The following NCAM1 variants were observed in gnomAD, a reference collection of about 807,000 sequenced individuals.
NCAM1 encodes neural cell adhesion molecule 1, also known as antigen recognized by monoclonal antibody 5.1H11.
In NCAM1, 14 loss-of-function variants were observed where a neutral mutation model predicts 109.8. The observed-to-expected ratio is 0.13, with a 90% CI of 0.08 to 0.20. The LOEUF (loss-of-function observed/expected upper bound fraction) is 0.20, where lower values mean the gene tolerates loss of function less well. NCAM1 is among the 10% of genes least tolerant of loss of function. The pLI, the probability that NCAM1 is intolerant of heterozygous loss-of-function variation, is 1.00. For missense variants in NCAM1, 774 were observed against 1,109.9 expected (o/e 0.70, Z 4.30); for synonymous variants, 418 against 442.9 (o/e 0.94, Z 0.70).
At position 113,278,144 on chromosome 11, in the gene NCAM1, C is replaced by T. The variant is rs1555127068; in HGVS notation, c.*2757C>T. The stretch of plus-strand genomic sequence containing the variant: ...CAGGGCTGTGGTGTATATAGTGCAG[C>T]TTTGGAGGTGGAACTCTATTTTCAC... On this transcript the variant is annotated 3_prime_UTR_variant, in exon 20 of 20. Transcript: ENST00000316851. 1 of 152,128 alleles carries T rather than the reference C, an allele frequency of 6.6e-6. No homozygotes were observed. Among genetic ancestry groups the T allele is most frequent in the Non-Finnish European group, 1.5e-5 (1 of 68,034 alleles). The allele number at this position is 152,128 out of a possible 1,614,324, so 9.4% of individuals were successfully genotyped here.
intron 1 of NCAM1, among the ~76,000 whole-genome samples, chr11:113,101,728 G>C (rs1005939397): frequency 6.6e-6 from 1 of 152,162 alleles, no homozygotes; most frequent in Admixed American, 6.5e-5. Context: ...GTGTTTACAT[G>C]GTGCTAGACT....
rs188541077 is a variant in NCAM1 at position 113,058,241 on chromosome 11, A to G, written c.52+96577A>G. ...GGAGGTTGCAGTGAGCCGAGATCTC[A>G]CCATTGCACTCCAGCCCTGGCAACA... On this transcript the variant is annotated intron_variant, in intron 1 of 19. Transcript: ENST00000316851. Among the ~76,000 whole-genome samples the G allele has an allele frequency of 4.3e-3, 652 of 152,174 alleles. 4 individuals carry two copies. Among genetic ancestry groups the G allele is most frequent in the African/African-American group, 0.015 (624 of 41,510 alleles).
rs55698443 is a variant in NCAM1 at position 113,237,905 on chromosome 11, G to GAT, written c.1825+2749_1825+2750dup. 9.0e-3 allele frequency among the ~76,000 whole-genome samples: 1,245 copies of GAT among 138,994 alleles called. 17 individuals are homozygous for GAT. The highest frequency in any genetic ancestry group is 0.029 in the African/African-American group (1,061 of 36,014). 91.2% of individuals were successfully genotyped at this position (138,994 alleles called of 152,430 possible). On this transcript the variant is annotated intron_variant, in intron 14 of 19. Coordinates refer to ENST00000316851, the MANE Select transcript of NCAM1 (RefSeq NM_181351.5). ...ATAGATATATAGATATAGATATATAGATATATATAGATATATAGATATAGA... is the reference window on the plus strand; with the variant it reads ...ATAGATATATAGATATAGATATATAGATATATATATAGATATATAGATATAGA...
At chr11:113,023,064 A>G (rs1019485489) in intron 1 of NCAM1, among the ~76,000 whole-genome samples, 1 of 152,216 alleles carries the variant, frequency 6.6e-6, no homozygotes, top group African/African-American at 2.4e-5. Context: ...AGTTCTTACT[A>G]CTATGTAATA....
At chr11:113,045,034 G>A (rs1335947467) in intron 1 of NCAM1, among the ~76,000 whole-genome samples, 2 of 152,192 alleles carry the variant, frequency 1.3e-5, no homozygotes, top group East Asian at 1.9e-4. Flanking sequence ...GATTACAGGC[G>A]TGAGCCACTG....
intron 10 of NCAM1, 126 bp downstream of exon 10, chr11:113,231,921 C>T (rs1555117329): frequency 6.1e-6 from 8 of 1,312,760 alleles, no homozygotes; most frequent in South Asian, 5.3e-5. Context: ...TGCAGCTGAC[C>T]CTGGGCTATT....
chr11:113,086,521 G>C (rs1939098115), intron 1 of NCAM1, among the ~76,000 whole-genome samples: 1 of 152,312 alleles, frequency 6.6e-6, no homozygotes, highest in South Asian at 2.1e-4. Context: ...GGACTCTACA[G>C]TTCAGATGCT....
intron 1 of NCAM1, among the ~76,000 whole-genome samples, chr11:113,196,106 G>A (rs1235173714): frequency 6.6e-6 from 1 of 152,122 alleles, no homozygotes; most frequent in East Asian, 1.9e-4. Flanking sequence ...AGATTCATCT[G>A]AGAACTCACT....
intron 1 of NCAM1, among the ~76,000 whole-genome samples, chr11:113,036,659 T>C (rs1555079223): frequency 6.6e-6 from 1 of 152,184 alleles, no homozygotes; most frequent in Non-Finnish European, 1.5e-5. Flanking sequence ...CACCTTTTCC[T>C]TCTGGAACCC....
chr11:113,165,697 T>C (rs1174169379), intron 1 of NCAM1, among the ~76,000 whole-genome samples: 1 of 152,172 alleles, frequency 6.6e-6, no homozygotes, highest in Non-Finnish European at 1.5e-5. Context: ...TGGGGAAGGC[T>C]CTGGCTGTCT....
chr11:113,167,096 T>TA (rs1565475022), intron 1 of NCAM1, among the ~76,000 whole-genome samples: 1 of 152,162 alleles, frequency 6.6e-6, no homozygotes, highest in Non-Finnish European at 1.5e-5. Context: ...CTCACTACAC[T>TA]GACTAGAAAG....
intron 8 of NCAM1, among the ~76,000 whole-genome samples, chr11:113,220,600 C>CTTTTTTTT (rs1336984958): frequency 1.4e-4 from 14 of 102,366 alleles, no homozygotes; most frequent in East Asian, 3.2e-4. Context: ...CTCTCTCTCT[C>CTTTTTTTT]TCTTTTTTTT....
chr11:112,963,909 G>A lies in NCAM1; in HGVS notation c.52+2245G>A, dbSNP rs998072596. On this transcript the variant is annotated intron_variant, in intron 1 of 19. Transcript: ENST00000316851. This position sits in a 1 kb window ranked among gnomAD's most constrained non-coding sequence, Gnocchi z 4.6. ...ATGAAAGCGACCTCTTTCCTGGCCC[G>A]GTACCTTGAGGATGGGAAGAAGGCA... Among the ~76,000 whole-genome samples the A allele has an allele frequency of 1.3e-5, 2 of 152,098 alleles. No homozygotes were observed. Among genetic ancestry groups the A allele is most frequent in the African/African-American group, 2.4e-5 (1 of 41,424 alleles).
intron 1 of NCAM1, among the ~76,000 whole-genome samples, chr11:113,178,916 G>A (rs1427159768): frequency 6.6e-6 from 1 of 152,186 alleles, no homozygotes; most frequent in African/African-American, 2.4e-5. Context: ...GAAGAAGCAG[G>A]CTCTTGGTGA....
rs180844461 is a variant in NCAM1 at position 113,264,720 on chromosome 11, G to A, written c.2131+4397G>A. ...ACCCTTTGGAGATCTCGTCCTAAGT[G>A]TGGAGAGGACTGACGTGGCCCTGTC... is the stretch of plus-strand genomic sequence containing the variant. On this transcript the variant is annotated intron_variant, in intron 17 of 19. Coordinates refer to ENST00000316851, the MANE Select transcript of NCAM1 (RefSeq NM_181351.5). 2.3e-5 allele frequency: 23 copies of A among 985,342 alleles called. No homozygotes were observed. The Admixed American group carries it at 4.9e-4, about 21-fold the overall frequency. The allele number at this position is 985,342 out of a possible 1,614,324, so 61.0% of individuals were successfully genotyped here. A position where few individuals can be genotyped will look rare whatever the true frequency, so the allele number is the denominator to read the frequency against.
chr11:113,032,474 G>A (rs1555078492), intron 1 of NCAM1, among the ~76,000 whole-genome samples: 1 of 152,178 alleles, frequency 6.6e-6, no homozygotes. Flanking sequence ...TCACAGGAAA[G>A]AGGGAGTGGC....
rs568584432 is a variant in NCAM1, at chr11:113,157,049, C to A, written c.53-45330C>A. On this transcript the variant is annotated intron_variant, in intron 1 of 19. Transcript: ENST00000316851. ...TTCCAGCATAATTATTTTAATTGTA[C>A]CTCTTGTCACTCAGTTTGGAATATA... 2.6e-5 allele frequency among the ~76,000 whole-genome samples: 4 copies of A among 151,994 alleles called. No individual in the cohort carries two copies. In the East Asian group the frequency reaches 5.8e-4, roughly 22 times the overall value.
chr11:113,092,500 A>G (rs1231641660), intron 1 of NCAM1, among the ~76,000 whole-genome samples: 1 of 152,128 alleles, frequency 6.6e-6, no homozygotes, highest in African/African-American at 2.4e-5. Flanking sequence ...GGGAGGTTAA[A>G]TTATTTGCCC....
chr11:113,264,176 A>G lies in NCAM1; in HGVS notation c.2131+3853A>G, dbSNP rs1007523758. 1.3e-5 allele frequency: 13 copies of G among 985,092 alleles called. No homozygotes were observed. In the African/African-American group the frequency reaches 1.4e-4, roughly 11 times the overall value. The allele number at this position is 985,092 out of a possible 1,614,324, so 61.0% of individuals were successfully genotyped here. On this transcript the variant is annotated intron_variant, in intron 17 of 19. Transcript: ENST00000316851. ...CCATTGTGGTCACATATCATTCTAC[A>G]TATCTCATCTCTGAGCATCTCCATG...
Sources: gnomAD v4.1 joint callset for allele counts (sites outside exome capture counted in the v4.1 genomes callset) on GRCh38, gnomAD v4.1.1 for gene constraint, Gnocchi (gnomAD v3.1) non-coding constraint, MANE v1.5 for transcripts, NCBI Gene and HGNC (gene_info 2026-07-23, HGNC 2026-07-21) for gene names.